The following ZNF362 variants were observed in gnomAD, a reference collection of about 807,000 sequenced individuals.
ZNF362 encodes the protein rotund homolog.
A neutral mutation model predicts 42.9 loss-of-function variants in ZNF362; 11 were observed. The ratio of observed to expected loss-of-function variants is 0.26; its 90% confidence interval spans 0.16 to 0.42. The LOEUF is 0.42. ZNF362 is among the 20% of genes least tolerant of loss of function. The pLI is 1.00. For synonymous variants in ZNF362, 255 were observed against 257.3 expected, an observed-to-expected ratio of 0.99 and a Z score of 0.09; for missense variants, 362 against 576.2, an observed-to-expected ratio of 0.63 and a Z score of 3.81.
At chr1:33,286,715 C>T (rs550261443) in intron 6 of ZNF362, among the ~76,000 whole-genome samples, 57 of 152,234 alleles carry the variant, frequency 3.7e-4, no homozygotes, top group Non-Finnish European at 7.1e-4. Context: ...AACAAACAAA[C>T]AAAGCCAAAG....
intron 6 of ZNF362, among the ~76,000 whole-genome samples, chr1:33,290,530 G>C (rs1033590435): frequency 2.0e-5 from 3 of 152,132 alleles, no homozygotes; most frequent in Non-Finnish European, 4.4e-5. Context: ...ACATACGTGT[G>C]CATGTGTCTT....
chr1:33,256,380 C>T (rs1307793088), upstream of ZNF362, among the ~76,000 whole-genome samples: 5 of 139,876 alleles, frequency 3.6e-5, no homozygotes, highest in Non-Finnish European at 1.6e-5. Flanking sequence ...GCGGCCCCCC[C>T]GGAGCCGGGC....
the ZNF362 span, among the ~76,000 whole-genome samples, chr1:33,218,205 C>T: frequency 1.3e-5 from 2 of 152,130 alleles, no homozygotes; most frequent in African/African-American, 2.4e-5. Flanking sequence ...CTTTGGAAGG[C>T]CAAGGTGGGA....
At chr1:33,206,474 C>T in the ZNF362 span, among the ~76,000 whole-genome samples, 1 of 152,140 alleles carries the variant, frequency 6.6e-6, no homozygotes, top group African/African-American at 2.4e-5. Context: ...TGATATGAAC[C>T]TGTAGTCTCA....
chr1:33,280,885 A>G lies in ZNF362; in HGVS notation c.683+428A>G, dbSNP rs1645988577. On this transcript the variant is annotated intron_variant, in intron 5 of 8. Coordinates refer to ENST00000539719, the MANE Select transcript of ZNF362 (RefSeq NM_152493.3). The surrounding 1 kb of genome is among the most constrained non-coding windows in gnomAD (Gnocchi z 5.6). ...GGAGTTTGAGACCAGCCTGGCCAGC[A>G]TGGTGAAACCTCGTCTCTACAAAAA... 6.6e-6 allele frequency among the ~76,000 whole-genome samples: 1 copy of G among 152,178 alleles called. No individual in the cohort carries two copies. The highest frequency in any genetic ancestry group is 2.4e-5 in the African/African-American group (1 of 41,444).
intron 2 of ZNF362, among the ~76,000 whole-genome samples, chr1:33,273,762 C>T (rs1645922772): frequency 6.6e-6 from 1 of 152,192 alleles, no homozygotes; most frequent in African/African-American, 2.4e-5. Flanking sequence ...GAAAATTCTT[C>T]CTTGCTTGCC....
chr1:33,224,315 A>G, the ZNF362 span, among the ~76,000 whole-genome samples: 1 of 152,214 alleles, frequency 6.6e-6, no homozygotes, highest in South Asian at 2.1e-4. Flanking sequence ...AACTCAATAG[A>G]TGGGTTTGGC....
At chr1:33,287,379 A>G (rs1255187207) in intron 6 of ZNF362, among the ~76,000 whole-genome samples, 2 of 152,220 alleles carry the variant, frequency 1.3e-5, no homozygotes, top group Non-Finnish European at 2.9e-5. Context: ...CCAGCTACTC[A>G]GGAGACTGAG....
intron 6 of ZNF362, among the ~76,000 whole-genome samples, chr1:33,285,397 G>A (rs894605634): frequency 6.6e-6 from 1 of 152,164 alleles, no homozygotes; most frequent in Non-Finnish European, 1.5e-5. Flanking sequence ...CTGGGTGACA[G>A]AGCAAGACCC....
At chr1:33,167,304 A>G in the ZNF362 span, among the ~76,000 whole-genome samples, 1 of 152,150 alleles carries the variant, frequency 6.6e-6, no homozygotes, top group Non-Finnish European at 1.5e-5. The surrounding 1 kb of genome is among the most constrained non-coding windows in gnomAD (Gnocchi z 4.2). Context: ...TCTCCTCACT[A>G]GAATGTGAGT....
At chr1:33,159,911 C>T in the ZNF362 span, 5 of 1,608,108 alleles carry the variant, frequency 3.1e-6, no homozygotes, top group Non-Finnish European at 2.5e-6. The surrounding 1 kb of genome is among the most constrained non-coding windows in gnomAD (Gnocchi z 4.2). Flanking sequence ...TCGAAGGCCT[C>T]GCCGATAGTG....
the ZNF362 span, among the ~76,000 whole-genome samples, chr1:33,229,174 C>T: frequency 6.6e-6 from 1 of 152,084 alleles, no homozygotes; most frequent in African/African-American, 2.4e-5. Context: ...CCCTCTCTTT[C>T]CTTTTCTCCA....
At chr1:33,241,679 C>T in the ZNF362 span, among the ~76,000 whole-genome samples, 26 of 152,096 alleles carry the variant, frequency 1.7e-4, no homozygotes, top group African/African-American at 6.0e-4. Context: ...ACAGAAAAAA[C>T]GATCAAATCT....
At chr1:33,158,428 G>C in the ZNF362 span, 1,941 of 1,459,614 alleles carry the variant, frequency 1.3e-3, 30 homozygotes, top group African/African-American at 0.024. Context: ...CCAATGCCAG[G>C]GGCCCCGCAG....
At chr1:33,258,895 C>G (rs929958475) in intron 1 of ZNF362, among the ~76,000 whole-genome samples, 6 of 152,172 alleles carry the variant, frequency 3.9e-5, no homozygotes, top group African/African-American at 1.2e-4. Context: ...AGAGGTTGAA[C>G]AGTGGCAGAG....
intron 4 of ZNF362, among the ~76,000 whole-genome samples, chr1:33,277,246 C>T (rs370732260): frequency 1.1e-4 from 17 of 152,220 alleles, no homozygotes; most frequent in Middle Eastern, 3.2e-3. Flanking sequence ...TGCAGTTCAC[C>T]TTAATGTCTC....
rs150087616 is a variant in ZNF362 at position 33,259,143 on chromosome 1, G to C, written c.-89+2489G>C. On this transcript the variant is annotated intron_variant, in intron 1 of 8. Transcript: ENST00000539719. Reference sequence around the variant, plus strand: ...TACTGGCTGGAAGTCAGTGATTTGGGTCTCAGAACCAGACCCTGATCTCCT... The same window carrying C: ...TACTGGCTGGAAGTCAGTGATTTGGCTCTCAGAACCAGACCCTGATCTCCT... Among the ~76,000 whole-genome samples the C allele has an allele frequency of 3.0e-3, 460 of 152,298 alleles. 3 individuals are homozygous for C. The highest frequency in any genetic ancestry group is 0.01 in the African/African-American group (432 of 41,556).
At chr1:33,137,734 C>G in the ZNF362 span, among the ~76,000 whole-genome samples, 1 of 152,154 alleles carries the variant, frequency 6.6e-6, no homozygotes, top group East Asian at 1.9e-4. Flanking sequence ...TGGCTCAGCA[C>G]CCTCCTTGGC....
intron 4 of ZNF362, 57 bp downstream of exon 4, chr1:33,276,651 G>A: frequency 1.5e-6 from 2 of 1,293,298 alleles, no homozygotes; most frequent in Non-Finnish European, 2.0e-6. Flanking sequence ...GAGGGGGCGG[G>A]CGTAGCGGGG....
Sources: allele counts gnomAD v4.1 joint callset (sites outside exome capture counted in the v4.1 genomes callset), GRCh38; gene constraint gnomAD v4.1.1; non-coding constraint Gnocchi (gnomAD v3.1); transcripts MANE v1.5; gene names NCBI Gene and HGNC (gene_info 2026-07-23, HGNC 2026-07-21).